The following SCHIP1 variants were observed in gnomAD, a reference collection of about 807,000 sequenced individuals.
SCHIP1 encodes the protein schwannomin-interacting protein 1.
In SCHIP1, 8 loss-of-function variants were observed where a neutral mutation model predicts 29.7. The observed-to-expected ratio is 0.27, with a 90% CI of 0.16 to 0.49. The LOEUF is 0.49. Among genes scored for constraint, SCHIP1 ranks in the 20% least tolerant of loss-of-function variants. SCHIP1 has a pLI of 0.99. For missense variants in SCHIP1, 193 were observed against 294.6 expected (o/e 0.66, Z 2.52); for synonymous variants, 76 against 94.9 (o/e 0.80, Z 1.16).
At chr3:159,621,421 G>GT in the SCHIP1 span, among the ~76,000 whole-genome samples, 2 of 152,182 alleles carry the variant, frequency 1.3e-5, no homozygotes, top group African/African-American at 4.8e-5. Context: ...GCCACTAACA[G>GT]TTTTTAATCT....
intron 2 of SCHIP1, among the ~76,000 whole-genome samples, chr3:159,880,607 G>A (rs529557039): frequency 3.9e-5 from 6 of 152,314 alleles, no homozygotes; most frequent in African/African-American, 1.4e-4. Flanking sequence ...CAGATAAAAA[G>A]CAATAGAGAA....
the SCHIP1 span, among the ~76,000 whole-genome samples, chr3:159,298,805 A>C: frequency 6.6e-6 from 1 of 152,100 alleles, no homozygotes; most frequent in Non-Finnish European, 1.5e-5. Flanking sequence ...AAAATAAAAC[A>C]AAAAAAATCA....
At chr3:159,513,717 A>G in the SCHIP1 span, among the ~76,000 whole-genome samples, 1 of 152,224 alleles carries the variant, frequency 6.6e-6, no homozygotes, top group African/African-American at 2.4e-5. Flanking sequence ...CTCTCCAGAC[A>G]ACGGCACAGA....
chr3:159,657,657 A>G, the SCHIP1 span, among the ~76,000 whole-genome samples: 1 of 152,250 alleles, frequency 6.6e-6, no homozygotes, highest in African/African-American at 2.4e-5. Flanking sequence ...TTCCAGGCGT[A>G]AGTTTAACAG....
chr3:159,660,543 A>C, the SCHIP1 span, among the ~76,000 whole-genome samples: 2 of 152,154 alleles, frequency 1.3e-5, no homozygotes, highest in Non-Finnish European at 2.9e-5. Flanking sequence ...GGTATATTTT[A>C]TACACATGCA....
chr3:159,719,135 G>C, the SCHIP1 span, among the ~76,000 whole-genome samples: 1 of 152,110 alleles, frequency 6.6e-6, no homozygotes, highest in African/African-American at 2.4e-5. Flanking sequence ...AATGGGGAAA[G>C]GATTCCCTAT....
At chr3:159,889,604 G>A (rs375355869) in intron 5 of SCHIP1, among the ~76,000 whole-genome samples, 56 of 152,280 alleles carry the variant, frequency 3.7e-4, no homozygotes, top group Middle Eastern at 3.4e-3. Context: ...GCTCCTGGGA[G>A]GAATGAGTCT....
the SCHIP1 span, among the ~76,000 whole-genome samples, chr3:159,365,700 C>T: frequency 6.6e-6 from 1 of 152,270 alleles, no homozygotes; most frequent in East Asian, 1.9e-4. Flanking sequence ...GCCCTCTATT[C>T]CTTCCAGGAT....
chr3:159,555,414 A>G, the SCHIP1 span, among the ~76,000 whole-genome samples: 1 of 152,248 alleles, frequency 6.6e-6, no homozygotes, highest in Non-Finnish European at 1.5e-5. Flanking sequence ...CACAGGGTTC[A>G]GAGCTGAAAG....
At chr3:159,302,990 A>G in the SCHIP1 span, among the ~76,000 whole-genome samples, 1 of 152,222 alleles carries the variant, frequency 6.6e-6, no homozygotes, top group Non-Finnish European at 1.5e-5. Flanking sequence ...GAGTGCTTAT[A>G]TGAGGTAAGT....
the SCHIP1 span, among the ~76,000 whole-genome samples, chr3:159,298,114 T>A: frequency 6.6e-6 from 1 of 152,348 alleles, no homozygotes; most frequent in African/African-American, 2.4e-5. Context: ...ACCCCCAGTA[T>A]GTATTTATTG....
chr3:159,801,481 T>C, the SCHIP1 span, among the ~76,000 whole-genome samples: 1 of 152,188 alleles, frequency 6.6e-6, no homozygotes, highest in Non-Finnish European at 1.5e-5. Context: ...TGAAGACTAT[T>C]TAAAGTAGAA....
the SCHIP1 span, among the ~76,000 whole-genome samples, chr3:159,604,770 C>T: frequency 6.6e-6 from 1 of 152,160 alleles, no homozygotes; most frequent in African/African-American, 2.4e-5. Context: ...ATGTGTTTCT[C>T]ATAAGAATAT....
the SCHIP1 span, among the ~76,000 whole-genome samples, chr3:159,750,995 A>T: frequency 6.6e-6 from 1 of 152,202 alleles, no homozygotes; most frequent in Non-Finnish European, 1.5e-5. Flanking sequence ...TTAAAAACAC[A>T]TAAACTTTTT....
chr3:159,347,105 G>A, the SCHIP1 span, among the ~76,000 whole-genome samples: 1 of 152,042 alleles, frequency 6.6e-6, no homozygotes, highest in Non-Finnish European at 1.5e-5. Context: ...AAATATATAT[G>A]CTTCATATGT....
At chr3:159,719,235 A>G in the SCHIP1 span, among the ~76,000 whole-genome samples, 1 of 152,260 alleles carries the variant, frequency 6.6e-6, no homozygotes, top group Non-Finnish European at 1.5e-5. Context: ...AATTAATTCA[A>G]GATGGATTAA....
chr3:159,754,672 G>A, the SCHIP1 span, among the ~76,000 whole-genome samples: 1 of 152,166 alleles, frequency 6.6e-6, no homozygotes, highest in Admixed American at 6.5e-5. Flanking sequence ...TTTTGAGAGT[G>A]AAGGAGGGTG....
the SCHIP1 span, among the ~76,000 whole-genome samples, chr3:159,444,157 C>T: frequency 6.6e-6 from 1 of 152,108 alleles, no homozygotes; most frequent in African/African-American, 2.4e-5. Context: ...AGCAGCACAG[C>T]TGTGAGCAAG....
At chr3:159,714,893 T>C in the SCHIP1 span, among the ~76,000 whole-genome samples, 2 of 152,066 alleles carry the variant, frequency 1.3e-5, no homozygotes, top group African/African-American at 4.8e-5. Flanking sequence ...TTGAAGAGAG[T>C]AGTGGTTCTC....
Sources: allele counts gnomAD v4.1 joint callset (sites outside exome capture counted in the v4.1 genomes callset), GRCh38; gene constraint gnomAD v4.1.1; transcripts MANE v1.5; gene names NCBI Gene and HGNC (gene_info 2026-07-23, HGNC 2026-07-21).